NKAIN2: variants seen among roughly 807,000 people sequenced by gnomAD.
The protein encoded by NKAIN2 is sodium/potassium-transporting ATPase subunit beta-1-interacting protein 2.
NKAIN2 carries 14 observed loss-of-function variants against 32.6 expected under a neutral mutation model. That is an observed-to-expected ratio of 0.43 (90% CI 0.28 to 0.67). The LOEUF (loss-of-function observed/expected upper bound fraction) is 0.67, where lower values mean the gene tolerates loss of function less well. NKAIN2 is among the 30% of genes least tolerant of loss of function. NKAIN2 has a pLI of 0.17. For missense variants in NKAIN2, 198 were observed against 258.3 expected (o/e 0.77, Z 1.60); for synonymous variants, 80 against 87.2 (o/e 0.92, Z 0.46).
At chr6:124,790,142 C>T (rs1236877252) in intron 4 of NKAIN2, among the ~76,000 whole-genome samples, 1 of 152,106 alleles carries the variant, frequency 6.6e-6, no homozygotes, top group Non-Finnish European at 1.5e-5. Flanking sequence ...TCTGCCAGAA[C>T]GTGCTTTCTC....
At chr6:123,932,060 C>T (rs1020088528) in intron 1 of NKAIN2, among the ~76,000 whole-genome samples, 1 of 152,124 alleles carries the variant, frequency 6.6e-6, no homozygotes, top group Non-Finnish European at 1.5e-5. Context: ...TTCTTAAATG[C>T]GTTATCTTCC....
chr6:124,342,563 A>G (rs1798178200), intron 2 of NKAIN2, among the ~76,000 whole-genome samples: 1 of 151,894 alleles, frequency 6.6e-6, no homozygotes. Flanking sequence ...GCTGAAGCAC[A>G]GTGGGATGAT....
At chr6:124,098,275 T>TTAA (rs764383185) in intron 1 of NKAIN2, among the ~76,000 whole-genome samples, 4 of 152,320 alleles carry the variant, frequency 2.6e-5, no homozygotes, top group Admixed American at 6.5e-5. Flanking sequence ...TCCACATGAC[T>TTAA]TAATATGTAA....
chr6:123,959,825 G>C (rs1777759896), intron 1 of NKAIN2, among the ~76,000 whole-genome samples: 1 of 151,400 alleles, frequency 6.6e-6, no homozygotes, highest in African/African-American at 2.4e-5. Context: ...TGGGGGTGGG[G>C]GGTACAATTG....
In NKAIN2 at chr6:124,546,218, G is replaced by T. The variant is rs192795654; in HGVS notation, c.274-111968G>T. ...ATGTTAATAGAACAGGAGTGGAGGG[G>T]CATACCCTGTGGCTTTATTAGTTTC... On this transcript the variant is annotated intron_variant, in intron 3 of 6. Transcript: ENST00000368417. Among the ~76,000 whole-genome samples, 61 of 152,216 alleles carry T rather than the reference G, an allele frequency of 4.0e-4. 1 individual carries two copies. In the South Asian group the frequency reaches 5.0e-3, roughly 12 times the overall value.
chr6:123,878,017 G>A (rs1342267994), intron 1 of NKAIN2, among the ~76,000 whole-genome samples: 9 of 152,160 alleles, frequency 5.9e-5, no homozygotes, highest in South Asian at 2.1e-4. Flanking sequence ...ACCTGAGGCC[G>A]GGAGTTCAAG....
intron 3 of NKAIN2, among the ~76,000 whole-genome samples, chr6:124,564,865 T>C (rs1055822881): frequency 6.6e-6 from 1 of 152,224 alleles, no homozygotes; most frequent in Non-Finnish European, 1.5e-5. Context: ...AGAGAATGAT[T>C]CTCTACTTTA....
At chr6:124,771,437 A>G (rs1006835027) in intron 4 of NKAIN2, among the ~76,000 whole-genome samples, 1 of 152,172 alleles carries the variant, frequency 6.6e-6, no homozygotes, top group East Asian at 1.9e-4. Flanking sequence ...AAGCTACCTG[A>G]AAATAGGAGA....
chr6:124,539,972 C>G (rs1278203017), intron 3 of NKAIN2, among the ~76,000 whole-genome samples: 1 of 152,176 alleles, frequency 6.6e-6, no homozygotes, highest in African/African-American at 2.4e-5. Flanking sequence ...CTGCCCACCT[C>G]GGCCTCCCAA....
At chr6:124,205,610 AT>A (rs1790832731) in intron 1 of NKAIN2, among the ~76,000 whole-genome samples, 1 of 151,268 alleles carries the variant, frequency 6.6e-6, no homozygotes, top group South Asian at 2.1e-4. Context: ...CAAAACTTCT[AT>A]TTTCATTCAT....
intron 1 of NKAIN2, among the ~76,000 whole-genome samples, chr6:124,196,152 A>G (rs995636889): frequency 9.2e-5 from 14 of 152,156 alleles, no homozygotes; most frequent in Admixed American, 8.5e-4. Context: ...TTTTTTAAGT[A>G]CTAGCTCATT....
At chr6:124,571,368 G>C (rs1257187814) in intron 3 of NKAIN2, among the ~76,000 whole-genome samples, 1 of 152,138 alleles carries the variant, frequency 6.6e-6, no homozygotes, top group Admixed American at 6.5e-5. Flanking sequence ...AGGTTTGTCT[G>C]TGTCCCCACC....
chr6:124,813,093 G>T (rs1466214983), intron 5 of NKAIN2, among the ~76,000 whole-genome samples: 1 of 151,952 alleles, frequency 6.6e-6, no homozygotes, highest in African/African-American at 2.4e-5. Context: ...TCAGAAGAAA[G>T]GACTGCTTAA....
intron 4 of NKAIN2, among the ~76,000 whole-genome samples, chr6:124,734,796 T>C (rs1562353824): frequency 6.6e-6 from 1 of 151,922 alleles, no homozygotes; most frequent in Non-Finnish European, 1.5e-5. Flanking sequence ...TGGCAGATAA[T>C]GGATAAAAGG....
chr6:124,369,278 G>A (rs1267677890), intron 3 of NKAIN2, among the ~76,000 whole-genome samples: 1 of 152,094 alleles, frequency 6.6e-6, no homozygotes, highest in Non-Finnish European at 1.5e-5. Context: ...ATGGAGTCAT[G>A]TAAAATAACA....
At chr6:124,079,381 A>G (rs1783845417) in intron 1 of NKAIN2, among the ~76,000 whole-genome samples, 1 of 152,170 alleles carries the variant, frequency 6.6e-6, no homozygotes, top group African/African-American at 2.4e-5. Flanking sequence ...AAACTATAGC[A>G]GAATTGGTGA....
At chr6:124,070,158 G>T (rs140360375) in intron 1 of NKAIN2, among the ~76,000 whole-genome samples, 213 of 152,060 alleles carry the variant, frequency 1.4e-3, no homozygotes, top group African/African-American at 4.7e-3. Context: ...TGCTATATTC[G>T]CTGCTTTTCT....
intron 3 of NKAIN2, among the ~76,000 whole-genome samples, chr6:124,493,298 C>T (rs1379529079): frequency 6.6e-6 from 1 of 151,824 alleles, no homozygotes. Context: ...GTGAAATTGA[C>T]AACTTTAGCC....
At chr6:124,800,768 A>G (rs1457988692) in intron 5 of NKAIN2, among the ~76,000 whole-genome samples, 1 of 152,204 alleles carries the variant, frequency 6.6e-6, no homozygotes, top group Non-Finnish European at 1.5e-5. Context: ...ATTTTTGAGT[A>G]TAATAAATGG....
Sources: gnomAD v4.1 joint callset for allele counts (sites outside exome capture counted in the v4.1 genomes callset) on GRCh38, gnomAD v4.1.1 for gene constraint, MANE v1.5 for transcripts, NCBI Gene and HGNC (gene_info 2026-07-23, HGNC 2026-07-21) for gene names.